The following PLD5 variants were observed in gnomAD, a reference collection of about 807,000 sequenced individuals.
PLD5 encodes the protein phospholipase D family member 5.
In PLD5, 36 loss-of-function variants were observed where a neutral mutation model predicts 61.1. The observed-to-expected ratio is 0.59, with a 90% CI of 0.45 to 0.78. The LOEUF is 0.78. Among genes scored for constraint, PLD5 ranks in the 30% least tolerant of loss-of-function variants. The pLI, the probability that PLD5 is intolerant of heterozygous loss-of-function variation, is 0.00. For synonymous variants in PLD5, 243 were observed against 242.8 expected (o/e 1.00, Z -0.01); for missense variants, 515 against 644.4 (o/e 0.80, Z 2.17).
intron 1 of PLD5, among the ~76,000 whole-genome samples, chr1:242,490,888 C>T (rs776865839): frequency 2.5e-4 from 38 of 152,126 alleles, no homozygotes; most frequent in Non-Finnish European, 4.9e-4. Flanking sequence ...TAATAAAATC[C>T]GTGGTGATGC....
At chr1:242,417,679 G>A (rs559313890) in intron 1 of PLD5, among the ~76,000 whole-genome samples, 2 of 152,338 alleles carry the variant, frequency 1.3e-5, no homozygotes, top group Admixed American at 1.3e-4. Flanking sequence ...GAGCCCTCCA[G>A]GGCTAAGCCC....
At chr1:242,182,887 A>G (rs6429337) in intron 5 of PLD5, among the ~76,000 whole-genome samples, 3,975 of 152,258 alleles carry the variant, frequency 0.026, 195 homozygotes, top group African/African-American at 0.091. Context: ...AAAGCCAATC[A>G]TAGTACCATC....
At chr1:242,435,356 T>C (rs183203770) in intron 1 of PLD5, among the ~76,000 whole-genome samples, 3 of 149,496 alleles carry the variant, frequency 2.0e-5, no homozygotes, top group African/African-American at 7.7e-5. Flanking sequence ...TGCCATAATC[T>C]TTTTGTGATC....
intron 5 of PLD5, among the ~76,000 whole-genome samples, chr1:242,217,401 T>C (rs539432287): frequency 6.6e-6 from 1 of 152,148 alleles, no homozygotes; most frequent in Non-Finnish European, 1.5e-5. Context: ...AGTGGGTGAA[T>C]CACCAAAAGT....
intron 4 of PLD5, among the ~76,000 whole-genome samples, chr1:242,242,714 T>A (rs758568436): frequency 2.0e-5 from 3 of 152,188 alleles, no homozygotes; most frequent in Admixed American, 1.3e-4. Context: ...AGAATATAGG[T>A]AAAGCACATA....
In PLD5 at chr1:242,347,551, G is replaced by A. The variant is rs190136641; in HGVS notation, c.326+555C>T. Among the ~76,000 whole-genome samples, 7 of 152,252 alleles carry A rather than the reference G, an allele frequency of 4.6e-5. No individual in the cohort carries two copies. The East Asian group carries it at 1.2e-3, about 25-fold the overall frequency. On this transcript the variant is annotated intron_variant, in intron 2 of 9. Coordinates refer to ENST00000536534, the MANE Select transcript of PLD5 (RefSeq NM_001372062.1). ...CCAGTCAGCAAGGCCCCCAGGAAAT[G>A]CTACTTAATGTAACTGAAGAGACAT... is the stretch of plus-strand genomic sequence containing the variant.
intron 3 of PLD5, among the ~76,000 whole-genome samples, chr1:242,281,904 C>T (rs1328159050): frequency 6.6e-6 from 1 of 151,734 alleles, no homozygotes; most frequent in Non-Finnish European, 1.5e-5. Flanking sequence ...ATTAATAAAT[C>T]AAATGAAAGT....
rs574826865 is a variant in PLD5, at chr1:242,492,778, A to G, written c.189+31310T>C. 1.9e-3 allele frequency among the ~76,000 whole-genome samples: 290 copies of G among 152,268 alleles called. 1 individual carries two copies. Among genetic ancestry groups the G allele is most frequent in the Middle Eastern group, 3.4e-3 (1 of 294 alleles). The stretch of plus-strand genomic sequence containing the variant: ...TAGATCCAGTGCCTGAGGAAGACAC[A>G]CATCCTGGTTTGCAGACATCTGTTG... On this transcript the variant is annotated intron_variant, in intron 1 of 9. Transcript: ENST00000536534.
intron 4 of PLD5, among the ~76,000 whole-genome samples, chr1:242,259,520 G>A (rs1325770008): frequency 6.6e-6 from 1 of 151,988 alleles, no homozygotes; most frequent in Non-Finnish European, 1.5e-5. Context: ...ATAAGAATGA[G>A]ACTGAAACGA....
At chr1:242,188,245 G>A (rs1668031003) in intron 5 of PLD5, among the ~76,000 whole-genome samples, 2 of 152,102 alleles carry the variant, frequency 1.3e-5, no homozygotes, top group Admixed American at 1.3e-4. Flanking sequence ...GAGATGAAGT[G>A]GCTGAAGAAC....
At chr1:242,097,927 G>A (rs1394202013) in intron 9 of PLD5, among the ~76,000 whole-genome samples, 1 of 152,134 alleles carries the variant, frequency 6.6e-6, no homozygotes, top group Non-Finnish European at 1.5e-5. Flanking sequence ...TTTTGTATAA[G>A]GTGTAAGGAA....
chr1:242,142,642 T>C (rs879477556), intron 5 of PLD5, among the ~76,000 whole-genome samples: 5 of 152,164 alleles, frequency 3.3e-5, no homozygotes, highest in Non-Finnish European at 7.4e-5. Flanking sequence ...ACACTAATGT[T>C]TCCCTAGAAA....
intron 4 of PLD5, among the ~76,000 whole-genome samples, chr1:242,262,512 C>T (rs12753859): frequency 0.01 from 1,559 of 152,232 alleles, 9 homozygotes; most frequent in Non-Finnish European, 0.013. Context: ...TGATAATAAC[C>T]ATGTGGTGGA....
intron 1 of PLD5, among the ~76,000 whole-genome samples, chr1:242,517,952 G>T (rs753094379): frequency 1.3e-5 from 2 of 152,002 alleles, no homozygotes; most frequent in Admixed American, 6.6e-5. Context: ...GTTATTGCTG[G>T]ATCAGACCTA....
At chr1:242,489,909 A>G (rs1353053231) in intron 1 of PLD5, among the ~76,000 whole-genome samples, 1 of 152,224 alleles carries the variant, frequency 6.6e-6, no homozygotes, top group Non-Finnish European at 1.5e-5. Context: ...AGCTTTCTTG[A>G]GATAGGAGAT....
chr1:242,171,688 G>A (rs2196416), intron 5 of PLD5, among the ~76,000 whole-genome samples: 2 of 150,712 alleles, frequency 1.3e-5, no homozygotes, highest in African/African-American at 2.4e-5. Flanking sequence ...AATAAAGAGA[G>A]GGAGGAATAT....
intron 9 of PLD5, among the ~76,000 whole-genome samples, chr1:242,092,684 G>T (rs144030837): frequency 7.9e-4 from 121 of 152,204 alleles, no homozygotes; most frequent in African/African-American, 2.7e-3. Context: ...TGTCTCCCTG[G>T]GCACCCCTGG....
At chr1:242,269,006 C>T (rs939861133) in intron 3 of PLD5, among the ~76,000 whole-genome samples, 7 of 152,020 alleles carry the variant, frequency 4.6e-5, no homozygotes, top group Non-Finnish European at 1.0e-4. Flanking sequence ...CCATGATCGA[C>T]TAATTTTTGT....
At chr1:242,171,920 G>T (rs528586059) in intron 5 of PLD5, among the ~76,000 whole-genome samples, 1 of 152,130 alleles carries the variant, frequency 6.6e-6, no homozygotes, top group African/African-American at 2.4e-5. Flanking sequence ...CCTACAAAGA[G>T]ACAAAGACTC....
Sources: allele counts gnomAD v4.1 joint callset (sites outside exome capture counted in the v4.1 genomes callset), GRCh38; gene constraint gnomAD v4.1.1; transcripts MANE v1.5; gene names NCBI Gene and HGNC (gene_info 2026-07-23, HGNC 2026-07-21).